Variants in C12orf54 observed in about 807,000 individuals in gnomAD.
C12orf54 encodes chromosome 12 open reading frame 54, also known as uncharacterized protein C12orf54.
In C12orf54, 24 loss-of-function variants were observed where a neutral mutation model predicts 26.4. That is an observed-to-expected ratio of 0.91 (90% CI 0.66 to 1.28). The LOEUF is 1.28. Among genes scored for constraint, C12orf54 ranks in the 50% most tolerant of loss-of-function variants. The probability of loss-of-function intolerance (pLI) is 0.00; values close to 1 mark genes in which losing one functional copy is unlikely to be tolerated. For missense variants in C12orf54, 154 were observed against 150.9 expected (o/e 1.02, Z -0.11); for synonymous variants, 54 against 47.0 (o/e 1.15, Z -0.61).
chr12:48,486,651 G>A, intron 3 of C12orf54, 37 bp from the exon 4 acceptor site: 2 of 1,587,030 alleles, frequency 1.3e-6, no homozygotes, highest in Non-Finnish European at 1.7e-6. Context: ...GGGAGAGTTG[G>A]GATATTGTTT....
intron 5 of C12orf54, among the ~76,000 whole-genome samples, chr12:48,489,580 C>CT (rs1247019479): frequency 2.6e-5 from 4 of 152,072 alleles, no homozygotes; most frequent in East Asian, 1.9e-4. Context: ...ACCCAGCTAA[C>CT]TTTTTTTGTA....
At chr12:48,449,044 A>G in the C12orf54 span, among the ~76,000 whole-genome samples, 4 of 152,202 alleles carry the variant, frequency 2.6e-5, no homozygotes, top group African/African-American at 7.2e-5. Context: ...CTGGTTGACA[A>G]TTGGTTGAGT....
the C12orf54 span, among the ~76,000 whole-genome samples, chr12:48,470,693 G>A: frequency 6.7e-6 from 1 of 149,280 alleles, no homozygotes; most frequent in South Asian, 2.1e-4. Context: ...ATTTTTTTTT[G>A]TTTTTGTTGC....
At chr12:48,447,234 G>GTGTGTGTGTGTGTGTGTGTT in the C12orf54 span, among the ~76,000 whole-genome samples, 2 of 152,126 alleles carry the variant, frequency 1.3e-5, no homozygotes, top group South Asian at 4.2e-4. Flanking sequence ...GTGTGTGTGT[G>GTGTGTGTGTGTGTGTGTGTT]TGTGTGTGTG....
chr12:48,469,712 A>C, the C12orf54 span, among the ~76,000 whole-genome samples: 1 of 152,238 alleles, frequency 6.6e-6, no homozygotes, highest in Non-Finnish European at 1.5e-5. Context: ...CAGAGATTGC[A>C]GTAAAGACAG....
At chr12:48,474,491 G>A in the C12orf54 span, among the ~76,000 whole-genome samples, 99 of 152,250 alleles carry the variant, frequency 6.5e-4, 1 homozygote, top group Non-Finnish European at 1.2e-4. Context: ...CCCTTTCCTA[G>A]TCCAAGAAAG....
At chr12:48,421,272 C>T in the C12orf54 span, among the ~76,000 whole-genome samples, 1 of 152,058 alleles carries the variant, frequency 6.6e-6, no homozygotes, top group Non-Finnish European at 1.5e-5. Flanking sequence ...CAGAAGGCAA[C>T]GTGGGAGCAA....
intron 5 of C12orf54, among the ~76,000 whole-genome samples, chr12:48,490,484 C>T (rs1937763859): frequency 6.6e-6 from 1 of 152,124 alleles, no homozygotes; most frequent in Non-Finnish European, 1.5e-5. Context: ...GAATCCCCAT[C>T]TCTACTAAAA....
chr12:48,436,144 G>A, the C12orf54 span, among the ~76,000 whole-genome samples: 2 of 152,036 alleles, frequency 1.3e-5, no homozygotes, highest in Non-Finnish European at 2.9e-5. Flanking sequence ...AACCAACAAA[G>A]ATCAAAAGAG....
At chr12:48,452,651 T>C in the C12orf54 span, among the ~76,000 whole-genome samples, 9 of 151,884 alleles carry the variant, frequency 5.9e-5, no homozygotes, top group East Asian at 1.7e-3. Context: ...TTAAACAAAT[T>C]TACAAGAAAA....
chr12:48,439,385 ATCTC>A, the C12orf54 span, among the ~76,000 whole-genome samples: 2 of 152,194 alleles, frequency 1.3e-5, no homozygotes, highest in Non-Finnish European at 2.9e-5. Context: ...TGACCCAGTC[ATCTC>A]ATTACTGGGT....
At chr12:48,490,732 C>A in intron 5 of C12orf54, 80 bp from the exon 6 acceptor site, 1 of 1,517,606 alleles carries the variant, frequency 6.6e-7, no homozygotes, top group Non-Finnish European at 9.1e-7. Context: ...CTGCATTTGA[C>A]CAAGTCTATA....
At chr12:48,442,232 C>T in the C12orf54 span, 2 of 204,436 alleles carry the variant, frequency 9.8e-6, no homozygotes, top group African/African-American at 4.6e-5. Context: ...GTGGGAGGAG[C>T]AGGTGGAGAA....
chr12:48,460,143 G>A, the C12orf54 span, among the ~76,000 whole-genome samples: 1 of 152,102 alleles, frequency 6.6e-6, no homozygotes, highest in Non-Finnish European at 1.5e-5. Flanking sequence ...CCTTTCTTTG[G>A]AATATGCAGA....
the C12orf54 span, among the ~76,000 whole-genome samples, chr12:48,474,353 G>T: frequency 6.6e-6 from 1 of 152,210 alleles, no homozygotes; most frequent in African/African-American, 2.4e-5. Context: ...TTCCAACTGA[G>T]GTACTGGGTT....
chr12:48,431,283 T>A, the C12orf54 span, among the ~76,000 whole-genome samples: 1 of 152,110 alleles, frequency 6.6e-6, no homozygotes, highest in Non-Finnish European at 1.5e-5. Flanking sequence ...GTACCCTCAA[T>A]AACCTATGGA....
chr12:48,448,817 A>C, the C12orf54 span, among the ~76,000 whole-genome samples: 1 of 152,230 alleles, frequency 6.6e-6, no homozygotes, highest in Non-Finnish European at 1.5e-5. Context: ...ACCAAATATA[A>C]GTGACCATGG....
chr12:48,443,638 G>A, the C12orf54 span, among the ~76,000 whole-genome samples: 6 of 152,080 alleles, frequency 3.9e-5, no homozygotes, highest in Admixed American at 6.6e-5. Context: ...TCCATGCCCC[G>A]TTTAATCTAT....
chr12:48,494,745 A>C, intron 7 of C12orf54, 53 bp from the exon 8 acceptor site: 1 of 1,570,040 alleles, frequency 6.4e-7, no homozygotes. Context: ...AAGGGAACTG[A>C]AAGGGTAAGA....
Sources: gnomAD v4.1 joint callset for allele counts (sites outside exome capture counted in the v4.1 genomes callset) on GRCh38, gnomAD v4.1.1 for gene constraint, MANE v1.5 for transcripts, NCBI Gene and HGNC (gene_info 2026-07-23, HGNC 2026-07-21) for gene names.